Variants in MYBL2 observed in about 807,000 individuals in gnomAD.
MYBL2 encodes MYB proto-oncogene like 2, also known as myb-related protein B.
A neutral mutation model predicts 79.9 loss-of-function variants in MYBL2; 28 were observed. That is an observed-to-expected ratio of 0.35 (90% CI 0.26 to 0.48). The LOEUF (loss-of-function observed/expected upper bound fraction) is 0.48, where lower values mean the gene tolerates loss of function less well. Among genes scored for constraint, MYBL2 ranks in the 20% least tolerant of loss-of-function variants. MYBL2 has a pLI of 0.99. For missense variants in MYBL2, 735 were observed against 893.9 expected (o/e 0.82, Z 2.27); for synonymous variants, 378 against 361.2 (o/e 1.05, Z -0.53).
intron 1 of MYBL2, among the ~76,000 whole-genome samples, chr20:43,667,971 T>G (rs1986760035): frequency 6.6e-6 from 1 of 151,976 alleles, no homozygotes; most frequent in Non-Finnish European, 1.5e-5. Context: ...AGAGAGTCCC[T>G]GGGGCAAAGG....
At chr20:43,695,323 G>A (rs1987510503) in intron 6 of MYBL2, among the ~76,000 whole-genome samples, 1 of 152,158 alleles carries the variant, frequency 6.6e-6, no homozygotes, top group African/African-American at 2.4e-5. Flanking sequence ...TTGCAGGCAT[G>A]AGCCACCATG....
chr20:43,714,336 C>G (rs1208158204), intron 12 of MYBL2, among the ~76,000 whole-genome samples: 1 of 152,186 alleles, frequency 6.6e-6, no homozygotes, highest in Non-Finnish European at 1.5e-5. Flanking sequence ...TTTCTGGTCC[C>G]AGGAAAACTA....
chr20:43,709,076 G>A (rs999089225), intron 9 of MYBL2, among the ~76,000 whole-genome samples: 2 of 152,186 alleles, frequency 1.3e-5, no homozygotes, highest in Non-Finnish European at 2.9e-5. Flanking sequence ...GGCCAGCTGC[G>A]GGAAGTGGAG....
Position 43,702,722 on chromosome 20 carries a change from G to A in MYBL2, c.1184G>A (p.Ser395Asn), listed in dbSNP as rs750437774. 9.3e-6 allele frequency: 15 copies of A among 1,613,922 alleles called. No homozygotes were observed. The African/African-American group carries it at 1.9e-4, about 20-fold the overall frequency. Residue 395 changes from serine to asparagine, a missense_variant, in exon 8 of 14, where the codon AGC becomes AAC. Ser to Asn is a conservative substitution (Grantham distance 46, BLOSUM62 1). Around this residue, in one of 5 missense-constraint regions of MYBL2, gnomAD observed 243 missense variants for 327.2 expected, o/e 0.74. Transcript: ENST00000217026. ...GGCGAGCTGATCCCCATCTCCCCCA[G>A]CACTGAAGTCGGGGGCTCTGGCATT... ...SRGELIPISPSTEVGGSGIGT... is the reference protein window; with the variant it reads ...SRGELIPISPNTEVGGSGIGT...
chr20:43,705,617 C>T (rs141240352), intron 9 of MYBL2, among the ~76,000 whole-genome samples: 422 of 152,240 alleles, frequency 2.8e-3, no homozygotes, highest in Non-Finnish European at 4.9e-3. Context: ...CTGCCTCAGC[C>T]TCCTGAGTAG....
chr20:43,715,803 T>TGTCCAGG lies in MYBL2; in HGVS notation c.1975-152_1975-146dup, dbSNP rs1301043217. 3.9e-5 allele frequency among the ~76,000 whole-genome samples: 6 copies of TGTCCAGG among 152,148 alleles called. No individual in the cohort carries two copies. The East Asian group carries it at 1.2e-3, about 29-fold the overall frequency. On this transcript the variant is annotated intron_variant, in intron 13 of 13. Coordinates refer to ENST00000217026, the MANE Select transcript of MYBL2 (RefSeq NM_002466.4). The stretch of plus-strand genomic sequence containing the variant: ...GGAAGCCCACAGCCAGGAAGTGACT[T>TGTCCAGG]GTCCAGGGTCACAGGGAATGTGGAG...
chr20:43,716,240 A>T lies in MYBL2; in HGVS notation c.*153A>T. 914 of 1,081,290 alleles carry T rather than the reference A, an allele frequency of 8.5e-4. No individual in the cohort carries two copies. Among genetic ancestry groups the T allele is most frequent in the East Asian group, 2.5e-3 (82 of 32,524 alleles). 67.0% of individuals were successfully genotyped at this position (1,081,290 alleles called of 1,614,324 possible). On this transcript the variant is annotated 3_prime_UTR_variant, in exon 14 of 14. Transcript: ENST00000217026. ...ACTCTCAGGTGGAGGCAACAGGGCC[A>T]TGTGCTGCCCTGTTGCCGAGCCCAG... is the stretch of plus-strand genomic sequence containing the variant.
At chr20:43,681,484 C>A (rs1987141278) in intron 2 of MYBL2, among the ~76,000 whole-genome samples, 1 of 152,328 alleles carries the variant, frequency 6.6e-6, no homozygotes, top group East Asian at 1.9e-4. Flanking sequence ...TTCCTTGGAA[C>A]CTGTCCCTTA....
Position 43,667,291 on chromosome 20 carries a change from G to T in MYBL2, c.8G>T (p.Arg3Leu). 8.1e-7 allele frequency: 1 copy of T among 1,228,450 alleles called. No individual in the cohort carries two copies. The highest frequency in any genetic ancestry group is 4.1e-5 in the South Asian group (1 of 24,278). 76.1% of individuals were successfully genotyped at this position (1,228,450 alleles called of 1,614,324 possible). The change falls in exon 1 of 14, where the codon CGG becomes CTG. Residue 3 changes from arginine to leucine, a missense_variant. By Grantham distance (102) the Arg-to-Leu change is moderately radical. Coordinates refer to ENST00000217026, the MANE Select transcript of MYBL2 (RefSeq NM_002466.4). The stretch of plus-strand genomic sequence containing the variant: ...GCGGTCCGGGCCGGGGGGATGTCTC[G>T]GCGGACGCGCTGGTGAGACGAGCCG... MS[R>L]RTRCEDLDEL... is the part of the protein sequence containing the mutation.
chr20:43,690,174 T>A (rs1278227216), intron 5 of MYBL2, among the ~76,000 whole-genome samples: 2 of 151,774 alleles, frequency 1.3e-5, no homozygotes, highest in African/African-American at 2.4e-5. Context: ...CGGTTGTGCC[T>A]TCCAAGAGCT....
At chr20:43,682,614 A>T (rs1248431418) in intron 3 of MYBL2, among the ~76,000 whole-genome samples, 180 bp from the exon 4 acceptor site, 1 of 152,064 alleles carries the variant, frequency 6.6e-6, no homozygotes, top group African/African-American at 2.4e-5. Context: ...GCAAAGGGAA[A>T]CCGCCCATGT....
intron 1 of MYBL2, 100 bp downstream of exon 1, chr20:43,667,403 G>T (rs990958292): frequency 2.1e-5 from 19 of 888,870 alleles, no homozygotes; most frequent in Admixed American, 1.4e-4. Context: ...CACCAAGCTG[G>T]GGTGTGTGTG....
In MYBL2 at chr20:43,671,008, G is replaced by T. The variant is rs1322341729; in HGVS notation, c.21-2798G>T. ...TTTTGAGACGGAGTCTCCCTCTGTT[G>T]CCCAGGCTGCAGTGCAGTGGCACGA... On this transcript the variant is annotated intron_variant, in intron 1 of 13. Transcript: ENST00000217026. Among the ~76,000 whole-genome samples the T allele has an allele frequency of 3.5e-5, 5 of 144,546 alleles. No individual in the cohort carries two copies. In the East Asian group the frequency reaches 1.0e-3, roughly 29 times the overall value. The allele number at this position is 144,546 out of a possible 152,430, so 94.8% of individuals were successfully genotyped here. A position where few individuals can be genotyped will look rare whatever the true frequency, so the allele number is the denominator to read the frequency against.
chr20:43,673,548 G>A, intron 1 of MYBL2: 3 of 518,860 alleles, frequency 5.8e-6, no homozygotes, highest in Non-Finnish European at 7.3e-6. Flanking sequence ...GGGGCGGGAC[G>A]ATCATTTGAG....
intron 11 of MYBL2, 51 bp from the exon 12 acceptor site, chr20:43,712,951 A>G (rs751563838): frequency 9.8e-6 from 14 of 1,433,476 alleles, no homozygotes; most frequent in Non-Finnish European, 1.4e-5. Context: ...GGTGCTGACC[A>G]TGGGGAATCC....
intron 4 of MYBL2, among the ~76,000 whole-genome samples, chr20:43,684,623 G>A (rs1193955487): frequency 2.0e-5 from 3 of 149,062 alleles, no homozygotes; most frequent in South Asian, 2.1e-4. Context: ...CTATCTTCTC[G>A]CCTTGGCCTC....
At chr20:43,678,112 G>C (rs528553951) in intron 2 of MYBL2, among the ~76,000 whole-genome samples, 6 of 151,846 alleles carry the variant, frequency 4.0e-5, no homozygotes, top group Non-Finnish European at 5.9e-5. Context: ...CAGCATGCTC[G>C]TTAAGAGTCA....
At chr20:43,675,997 T>A (rs1375811208) in intron 2 of MYBL2, among the ~76,000 whole-genome samples, 1 of 151,602 alleles carries the variant, frequency 6.6e-6, no homozygotes, top group Non-Finnish European at 1.5e-5. Flanking sequence ...CTCTGCCTCC[T>A]GGGTTCAAGC....
At chr20:43,693,818 A>T (rs1222643016) in intron 6 of MYBL2, among the ~76,000 whole-genome samples, 1 of 152,112 alleles carries the variant, frequency 6.6e-6, no homozygotes. Context: ...TGGGAGGCCA[A>T]GGCTTTTGGA....
Sources: gnomAD v4.1 joint callset for allele counts (sites outside exome capture counted in the v4.1 genomes callset) on GRCh38, gnomAD v4.1.1 for gene constraint, gnomAD v4.1.1 regional missense constraint, MANE v1.5 for transcripts, NCBI Gene and HGNC (gene_info 2026-07-23, HGNC 2026-07-21) for gene names.